Variants in MGMT observed in about 807,000 individuals in gnomAD.
The protein encoded by MGMT is methylated-DNA--protein-cysteine methyltransferase.
Under a neutral mutation model 15.9 loss-of-function variants are expected in MGMT, and 14 were observed. That is an observed-to-expected ratio of 0.88 (90% CI 0.58 to 1.37). MGMT has a LOEUF of 1.37. Ranked by LOEUF, MGMT falls within the 40% of genes most tolerant of loss-of-function variation. The probability of loss-of-function intolerance (pLI) is 0.00; values close to 1 mark genes in which losing one functional copy is unlikely to be tolerated. For synonymous variants in MGMT, 130 were observed against 118.2 expected (o/e 1.10, Z -0.65); for missense variants, 282 against 268.1 (o/e 1.05, Z -0.36).
At chr10:129,625,190 TTAATC>T (rs141131036) in intron 2 of MGMT, among the ~76,000 whole-genome samples, 1,562 of 152,336 alleles carry the variant, frequency 0.01, 29 homozygotes, top group African/African-American at 0.035. Flanking sequence ...GCTTAACAAT[TTAATC>T]TAAAGAAATC....
chr10:129,661,477 C>T (rs1254326150), intron 2 of MGMT, among the ~76,000 whole-genome samples: 19 of 152,174 alleles, frequency 1.2e-4, no homozygotes, highest in Non-Finnish European at 2.4e-4. Context: ...AAAAAGCTTA[C>T]ATTTGACAAC....
At chr10:129,755,497 T>C (rs1411424953) in intron 3 of MGMT, among the ~76,000 whole-genome samples, 1 of 152,206 alleles carries the variant, frequency 6.6e-6, no homozygotes, top group African/African-American at 2.4e-5. Context: ...ATGCCCCTGC[T>C]AGCTGCAGCC....
intron 2 of MGMT, among the ~76,000 whole-genome samples, chr10:129,549,271 A>G (rs193000014): frequency 6.6e-4 from 101 of 152,300 alleles, no homozygotes; most frequent in Admixed American, 3.1e-3. Flanking sequence ...GGCATAATTA[A>G]TCATGTGATA....
intron 2 of MGMT, among the ~76,000 whole-genome samples, chr10:129,547,285 G>T (rs997535102): frequency 1.3e-5 from 2 of 151,926 alleles, no homozygotes; most frequent in East Asian, 1.9e-4. Context: ...CTCGTACAGG[G>T]TCATCTCTAG....
intron 1 of MGMT, 171 bp downstream of exon 1, chr10:129,467,467 T>C: frequency 1.0e-6 from 1 of 974,390 alleles, no homozygotes. Context: ...CTCCCAGGTG[T>C]TGCCCAGCCT....
chr10:129,763,456 G>T (rs1196586032), intron 4 of MGMT, among the ~76,000 whole-genome samples: 1 of 152,176 alleles, frequency 6.6e-6, no homozygotes, highest in Admixed American at 6.5e-5. Context: ...GGTGAGGACC[G>T]GTCACAGCTG....
At chr10:129,697,859 C>T (rs1160315071) in intron 2 of MGMT, among the ~76,000 whole-genome samples, 1 of 152,190 alleles carries the variant, frequency 6.6e-6, no homozygotes, top group South Asian at 2.1e-4. Flanking sequence ...CATCTACTCT[C>T]ACTGGTGGTT....
At chr10:129,551,499 C>T (rs1268006711) in intron 2 of MGMT, among the ~76,000 whole-genome samples, 2 of 152,120 alleles carry the variant, frequency 1.3e-5, no homozygotes, top group East Asian at 3.9e-4. Flanking sequence ...GGAAGCAGGC[C>T]CCCCATGCTT....
chr10:129,763,622 A>G (rs1289070466), intron 4 of MGMT, among the ~76,000 whole-genome samples: 1 of 152,254 alleles, frequency 6.6e-6, no homozygotes, highest in Non-Finnish European at 1.5e-5. Flanking sequence ...GAAATCTGCT[A>G]TTAGGTAGGA....
intron 2 of MGMT, among the ~76,000 whole-genome samples, chr10:129,691,648 A>G (rs1341317905): frequency 1.3e-5 from 2 of 152,148 alleles, no homozygotes; most frequent in Non-Finnish European, 2.9e-5. Context: ...CACAGGTGTC[A>G]GGGGTTTCAT....
intron 2 of MGMT, among the ~76,000 whole-genome samples, chr10:129,558,082 C>T (rs143890575): frequency 3.0e-4 from 45 of 152,162 alleles, no homozygotes; most frequent in African/African-American, 1.1e-3. Flanking sequence ...CCCACGTGTG[C>T]GTGAAGAGCC....
At chr10:129,670,540 T>TA (rs1315972830) in intron 2 of MGMT, among the ~76,000 whole-genome samples, 2 of 152,046 alleles carry the variant, frequency 1.3e-5, no homozygotes, top group South Asian at 2.1e-4. Flanking sequence ...GTAATGGAAA[T>TA]AAAAAAAATT....
At chr10:129,622,255 T>C (rs1191836777) in intron 2 of MGMT, among the ~76,000 whole-genome samples, 2 of 152,240 alleles carry the variant, frequency 1.3e-5, no homozygotes, top group East Asian at 1.9e-4. Context: ...CTCCCCACAG[T>C]GTGAGAGATT....
chr10:129,552,323 G>A (rs1017518602), intron 2 of MGMT, among the ~76,000 whole-genome samples: 1 of 152,182 alleles, frequency 6.6e-6, no homozygotes, highest in African/African-American at 2.4e-5. Context: ...CTTGAGCTGC[G>A]TCACCATGAC....
chr10:129,553,558 C>G (rs1846181884), intron 2 of MGMT, among the ~76,000 whole-genome samples: 1 of 152,184 alleles, frequency 6.6e-6, no homozygotes, highest in Non-Finnish European at 1.5e-5. Context: ...AATGAGAACT[C>G]TTTTCAGCAA....
At chr10:129,718,863 CATG>C (rs1180601963) in intron 3 of MGMT, among the ~76,000 whole-genome samples, 1 of 151,680 alleles carries the variant, frequency 6.6e-6, no homozygotes, top group Non-Finnish European at 1.5e-5. Context: ...CTTGCTCAGG[CATG>C]TCACCTTCTG....
At chr10:129,660,721 A>G (rs1847586360) in intron 2 of MGMT, among the ~76,000 whole-genome samples, 1 of 152,104 alleles carries the variant, frequency 6.6e-6, no homozygotes. Flanking sequence ...AGAAATATGC[A>G]AAGACTTCAA....
intron 2 of MGMT, among the ~76,000 whole-genome samples, chr10:129,695,664 G>A (rs1204751264): frequency 6.6e-6 from 1 of 152,216 alleles, no homozygotes; most frequent in South Asian, 2.1e-4. Context: ...GTACATCTTA[G>A]CCCTGTTGGT....
At chr10:129,681,170 C>T (rs1564759315) in intron 2 of MGMT, among the ~76,000 whole-genome samples, 1 of 152,230 alleles carries the variant, frequency 6.6e-6, no homozygotes, top group South Asian at 2.1e-4. Flanking sequence ...GTGGCCGTAG[C>T]ACCGGGTGCG....
Sources: gnomAD v4.1 joint callset for allele counts (sites outside exome capture counted in the v4.1 genomes callset) on GRCh38, gnomAD v4.1.1 for gene constraint, MANE v1.5 for transcripts, NCBI Gene and HGNC (gene_info 2026-07-23, HGNC 2026-07-21) for gene names.